Variants in PRKCH observed in about 807,000 individuals in gnomAD.
PRKCH encodes protein kinase C eta type.
A neutral mutation model predicts 82.5 loss-of-function variants in PRKCH; 28 were observed. The ratio of observed to expected loss-of-function variants is 0.34; its 90% confidence interval spans 0.25 to 0.47. The LOEUF (loss-of-function observed/expected upper bound fraction) is 0.47, where lower values mean the gene tolerates loss of function less well. Ranked by LOEUF, PRKCH falls within the 20% of genes least tolerant of loss-of-function variation. The probability of loss-of-function intolerance (pLI) is 1.00; values close to 1 mark genes in which losing one functional copy is unlikely to be tolerated. For missense variants in PRKCH, 705 were observed against 881.8 expected (o/e 0.80, Z 2.54); for synonymous variants, 322 against 327.4 (o/e 0.98, Z 0.18).
chr14:61,257,904 T>C (rs1186441398), intron 1 of PRKCH, among the ~76,000 whole-genome samples: 3 of 152,136 alleles, frequency 2.0e-5, no homozygotes, highest in Non-Finnish European at 2.9e-5. Context: ...ACTTCAGCAC[T>C]AGAAGAAAGC....
Position 61,280,316 on chromosome 14 carries a change from G to T in PRKCH, c.-19+92648G>T. 1.2e-6 allele frequency: 2 copies of T among 1,613,854 alleles called. No individual in the cohort carries two copies. The highest frequency in any genetic ancestry group is 1.7e-6 in the Non-Finnish European group (2 of 1,179,960). ...TTGACGCGGTAGGCGCCCCGCGGCA[G>T]CCCGGCCGAGTAGTTGCCCTGGCGG... On this transcript the variant is annotated intron_variant, in intron 1 of 3. Coordinates refer to the PRKCH transcript ENST00000555185. The surrounding 1 kb of genome is among the most constrained non-coding windows in gnomAD (Gnocchi z 5.0).
chr14:61,382,641 C>G lies in PRKCH; in HGVS notation c.364-8584C>G, dbSNP rs544668065. ...ATCGCTAGAGTAAGACTTAGGAAAGCTATAGAAAAGAGCCATCCAGCCAAG... is the reference window on the plus strand; with the variant it reads ...ATCGCTAGAGTAAGACTTAGGAAAGGTATAGAAAAGAGCCATCCAGCCAAG... On this transcript the variant is annotated intron_variant, in intron 1 of 13. Transcript: ENST00000332981. 2.4e-4 allele frequency among the ~76,000 whole-genome samples: 37 copies of G among 152,258 alleles called. No homozygotes were observed. In the South Asian group the frequency reaches 4.2e-3, roughly 17 times the overall value.
At chr14:61,386,768 G>A (rs766924831) in intron 1 of PRKCH, among the ~76,000 whole-genome samples, 2 of 152,212 alleles carry the variant, frequency 1.3e-5, no homozygotes, top group Admixed American at 6.5e-5. Flanking sequence ...GGAGGCAGAC[G>A]GCAGGGGATA....
chr14:61,197,848 T>C (rs1000740595), intron 1 of PRKCH, among the ~76,000 whole-genome samples: 5 of 152,138 alleles, frequency 3.3e-5, no homozygotes, highest in Non-Finnish European at 7.3e-5. Flanking sequence ...GTGAGGTGCG[T>C]AGAGATGTGA....
At chr14:61,512,777 G>C (rs1241251109) in intron 10 of PRKCH, among the ~76,000 whole-genome samples, 1 of 152,054 alleles carries the variant, frequency 6.6e-6, no homozygotes, top group East Asian at 1.9e-4. Context: ...ACTGGCTTTT[G>C]TACCTACAAG....
intron 1 of PRKCH, among the ~76,000 whole-genome samples, chr14:61,221,853 A>G (rs946025446): frequency 3.3e-5 from 5 of 152,114 alleles, no homozygotes; most frequent in African/African-American, 1.2e-4. Flanking sequence ...ACACTTGCCC[A>G]ATGGGAGAAG....
intron 12 of PRKCH, among the ~76,000 whole-genome samples, chr14:61,534,086 C>G (rs752479812): frequency 6.6e-6 from 1 of 152,182 alleles, no homozygotes; most frequent in East Asian, 1.9e-4. Context: ...TAACACATTA[C>G]TTAAATCAAT....
chr14:61,198,104 G>A (rs904761861), intron 1 of PRKCH, among the ~76,000 whole-genome samples: 5 of 152,082 alleles, frequency 3.3e-5, no homozygotes, highest in African/African-American at 1.2e-4. Flanking sequence ...CTGGTCTGAA[G>A]CATCTATTGT....
chr14:61,386,904 T>C (rs981611367), intron 1 of PRKCH, among the ~76,000 whole-genome samples: 1 of 152,200 alleles, frequency 6.6e-6, no homozygotes, highest in African/African-American at 2.4e-5. Context: ...TCAAACTGGC[T>C]AAGACAAAAG....
chr14:61,329,601 C>T (rs1594918110), intron 1 of PRKCH, among the ~76,000 whole-genome samples: 1 of 152,120 alleles, frequency 6.6e-6, no homozygotes, highest in African/African-American at 2.4e-5. Context: ...TCCTCTTGAG[C>T]CTTTTCTCTT....
chr14:61,290,406 A>G (rs1488168800), intron 1 of PRKCH, among the ~76,000 whole-genome samples: 1 of 152,174 alleles, frequency 6.6e-6, no homozygotes, highest in Non-Finnish European at 1.5e-5. Context: ...TACCTCAGTG[A>G]GTTCCTAGGA....
Position 61,280,666 on chromosome 14 carries a change from G to T in PRKCH, c.-19+92998G>T. The T allele has an allele frequency of 6.4e-7, 1 of 1,571,898 alleles. No homozygotes were observed. The highest frequency in any genetic ancestry group is 8.6e-7 in the Non-Finnish European group (1 of 1,160,250). On this transcript the variant is annotated intron_variant, in intron 1 of 3. Coordinates refer to the PRKCH transcript ENST00000555185. This position sits in a 1 kb window ranked among gnomAD's most constrained non-coding sequence, Gnocchi z 5.0. ...GAGGCTGTTGGCGATGGCGCCGCAG[G>T]GCGCGATGGGCAGGCCGGCCGCGCT...
At chr14:61,250,291 G>A (rs1299519138) in intron 1 of PRKCH, among the ~76,000 whole-genome samples, 2 of 139,472 alleles carry the variant, frequency 1.4e-5, no homozygotes, top group South Asian at 4.6e-4. Context: ...ATCTGGACAC[G>A]GATGTTGATA....
chr14:61,294,964 C>T (rs1040649052), intron 1 of PRKCH, among the ~76,000 whole-genome samples: 12 of 152,116 alleles, frequency 7.9e-5, no homozygotes, highest in African/African-American at 2.9e-4. Flanking sequence ...CCTGCACCTC[C>T]CGGGTTCAAG....
intron 9 of PRKCH, among the ~76,000 whole-genome samples, chr14:61,468,916 G>T (rs576321062): frequency 6.6e-6 from 1 of 152,230 alleles, no homozygotes; most frequent in South Asian, 2.1e-4. Context: ...ACCCAACTTG[G>T]AACCCTTAAA....
intron 1 of PRKCH, among the ~76,000 whole-genome samples, chr14:61,325,110 C>G (rs553190791): frequency 6.6e-6 from 1 of 152,324 alleles, no homozygotes; most frequent in East Asian, 1.9e-4. Context: ...TAGAAATTGA[C>G]AGACTGACTT....
chr14:61,227,444 A>G (rs1437628637), intron 1 of PRKCH, among the ~76,000 whole-genome samples: 1 of 152,104 alleles, frequency 6.6e-6, no homozygotes, highest in Non-Finnish European at 1.5e-5. Flanking sequence ...AATATAAAAA[A>G]TTAGCCAGGC....
At chr14:61,391,320 A>G (rs148192489) in intron 2 of PRKCH, 32 bp downstream of exon 2, 4 of 1,547,116 alleles carry the variant, frequency 2.6e-6, no homozygotes, top group Non-Finnish European at 3.5e-6. Flanking sequence ...TTTCCAGAAT[A>G]CATGTAATCT....
At chr14:61,244,531 T>C (rs1471316831) in intron 1 of PRKCH, among the ~76,000 whole-genome samples, 1 of 152,296 alleles carries the variant, frequency 6.6e-6, no homozygotes, top group African/African-American at 2.4e-5. Context: ...AAATAACAGA[T>C]GAGAGGTTTC....
Sources: allele counts gnomAD v4.1 joint callset (sites outside exome capture counted in the v4.1 genomes callset), GRCh38; gene constraint gnomAD v4.1.1; non-coding constraint Gnocchi (gnomAD v3.1); transcripts MANE v1.5; gene names NCBI Gene and HGNC (gene_info 2026-07-23, HGNC 2026-07-21).